STIL: variants seen among roughly 807,000 people sequenced by gnomAD.
The protein encoded by STIL is SCL-interrupting locus protein.
In STIL, 55 loss-of-function variants were observed where a neutral mutation model predicts 110.1. The ratio of observed to expected loss-of-function variants is 0.50; its 90% CI spans 0.40 to 0.63. STIL has a LOEUF of 0.63. STIL is among the 20% of genes least tolerant of loss of function. The pLI is 0.00. For missense variants in STIL, 1,358 were observed against 1,530.0 expected (o/e 0.89, Z 1.87); for synonymous variants, 481 against 530.0 (o/e 0.91, Z 1.27).
intron 10 of STIL, among the ~76,000 whole-genome samples, chr1:47,286,449 C>CT (rs1326616939): frequency 1.3e-5 from 2 of 152,170 alleles, no homozygotes; most frequent in East Asian, 3.9e-4. Flanking sequence ...TGGCTCACGC[C>CT]TGTAATCCCA....
At chr1:47,282,280 T>C in intron 11 of STIL, 65 bp downstream of exon 11, 1 of 994,418 alleles carries the variant, frequency 1.0e-6, no homozygotes, top group Admixed American at 1.7e-5. Flanking sequence ...TTATTTAGTG[T>C]TTTAACCATG....
At chr1:47,284,924 G>A (rs1248755165) in intron 10 of STIL, among the ~76,000 whole-genome samples, 3 of 151,200 alleles carry the variant, frequency 2.0e-5, no homozygotes, top group Admixed American at 2.0e-4. Context: ...ACTTCCTGGA[G>A]GGAAAAGGAA....
rs79833501 is a variant in STIL at position 47,257,263 on chromosome 1, C to T, written c.3080+3026G>A. ...AGATAGGCTGGGAGGATATTCCAGA[C>T]GGAGCCTAAGATAACAGGGAAACTA... On this transcript the variant is annotated intron_variant, in intron 16 of 16. Coordinates refer to ENST00000371877, the MANE Select transcript of STIL (RefSeq NM_001048166.1). 5.3e-3 allele frequency among the ~76,000 whole-genome samples: 803 copies of T among 152,264 alleles called. 2 individuals are homozygous for T. The highest frequency in any genetic ancestry group is 0.031 in the East Asian group (159 of 5,188).
chr1:47,302,157 G>A (rs1168268395), intron 4 of STIL, 77 bp downstream of exon 4: 1 of 1,051,674 alleles, frequency 9.5e-7, no homozygotes, highest in African/African-American at 1.6e-5. Context: ...CTAGGTTCAA[G>A]TGATCCTCCC....
At chr1:47,269,608 T>G (rs2742104) in intron 14 of STIL, 27 bp downstream of exon 14, 5 of 1,605,826 alleles carry the variant, frequency 3.1e-6, no homozygotes, top group Non-Finnish European at 3.4e-6. Flanking sequence ...GAAAGTAGGA[T>G]GAAAGACTAA....
At chr1:47,271,957 T>C (rs1428357991) in intron 13 of STIL, 119 bp downstream of exon 13, 1 of 1,022,606 alleles carries the variant, frequency 9.8e-7, no homozygotes, top group Non-Finnish European at 1.5e-6. Flanking sequence ...AGTCATACTC[T>C]CATCACCTTG....
intron 5 of STIL, among the ~76,000 whole-genome samples, chr1:47,301,187 C>T (rs1645793680): frequency 6.6e-6 from 1 of 152,140 alleles, no homozygotes; most frequent in South Asian, 2.1e-4. Context: ...AAGCAATCCA[C>T]CTGCCTCAGC....
chr1:47,312,022 G>A (rs1243102201), intron 1 of STIL, among the ~76,000 whole-genome samples: 1 of 152,082 alleles, frequency 6.6e-6, no homozygotes, highest in Non-Finnish European at 1.5e-5. Context: ...CTCCAGCCTG[G>A]GCAAGAGAAT....
chr1:47,309,000 C>T (rs940288300), intron 2 of STIL, among the ~76,000 whole-genome samples: 10 of 150,770 alleles, frequency 6.6e-5, no homozygotes, highest in Non-Finnish European at 1.0e-4. Flanking sequence ...TGCAGTGAGC[C>T]GAGATGGCGC....
upstream of STIL, among the ~76,000 whole-genome samples, chr1:47,314,823 C>A (rs1344034486): frequency 1.3e-5 from 2 of 151,414 alleles, no homozygotes; most frequent in Non-Finnish European, 2.9e-5. Flanking sequence ...CTCCCGAGTT[C>A]AAGCGATTCT....
chr1:47,254,640 C>G (rs1644279528), intron 16 of STIL, among the ~76,000 whole-genome samples: 1 of 152,010 alleles, frequency 6.6e-6, no homozygotes, highest in African/African-American at 2.4e-5. Flanking sequence ...AAGTGACCCT[C>G]CTACCTCAGC....
intron 12 of STIL, 93 bp downstream of exon 12, chr1:47,280,148 C>T: frequency 3.2e-6 from 5 of 1,539,694 alleles, no homozygotes; most frequent in Non-Finnish European, 3.6e-6. Flanking sequence ...ACATTCTATA[C>T]TTCTATAAAA....
chr1:47,253,081 T>C (rs1457941586), intron 16 of STIL, among the ~76,000 whole-genome samples: 1 of 152,152 alleles, frequency 6.6e-6, no homozygotes. Context: ...TTCCCAAAAG[T>C]GTTGGGATTA....
chr1:47,304,746 AGGAAAATTTTGCCTGAG>A (rs1645902927), intron 3 of STIL, 126 bp downstream of exon 3: 1 of 670,038 alleles, frequency 1.5e-6, no homozygotes, highest in Non-Finnish European at 2.6e-6. Flanking sequence ...AAGAAGCAGA[AGGAAAATTTTGCCTGAG>A]GGGAGATTCT....
At chr1:47,312,445 T>C (rs996762991) in intron 1 of STIL, among the ~76,000 whole-genome samples, 2 of 151,144 alleles carry the variant, frequency 1.3e-5, no homozygotes, top group Non-Finnish European at 1.5e-5. Context: ...AGAGCGAGAC[T>C]CCGTCTCAAA....
At chr1:47,297,543 G>A (rs1373824526) in intron 6 of STIL, among the ~76,000 whole-genome samples, 1 of 151,504 alleles carries the variant, frequency 6.6e-6, no homozygotes, top group Non-Finnish European at 1.5e-5. Flanking sequence ...TGCCATAATG[G>A]GCCCTAGTAA....
At chr1:47,273,503 C>T (rs1354755836) in intron 12 of STIL, among the ~76,000 whole-genome samples, 2 of 152,200 alleles carry the variant, frequency 1.3e-5, no homozygotes, top group African/African-American at 4.8e-5. Flanking sequence ...TTTGAAGGTT[C>T]AACCATGTTG....
chr1:47,266,009 C>T (rs1644644279), intron 14 of STIL, among the ~76,000 whole-genome samples: 1 of 151,946 alleles, frequency 6.6e-6, no homozygotes, highest in Admixed American at 6.6e-5. Context: ...CACAAGCAAT[C>T]GGTTCACTTT....
chr1:47,279,036 G>C (rs1645070689), intron 12 of STIL, among the ~76,000 whole-genome samples: 1 of 152,012 alleles, frequency 6.6e-6, no homozygotes, highest in South Asian at 2.1e-4. Flanking sequence ...GGAGGCTCAC[G>C]CCTGTAATCC....
Sources: allele counts gnomAD v4.1 joint callset (sites outside exome capture counted in the v4.1 genomes callset), GRCh38; gene constraint gnomAD v4.1.1; transcripts MANE v1.5; gene names NCBI Gene and HGNC (gene_info 2026-07-23, HGNC 2026-07-21).